The following ERCC6L2 variants were observed in gnomAD, a reference collection of about 807,000 sequenced individuals.
ERCC6L2 encodes the protein DNA excision repair protein ERCC-6-like 2.
Under a neutral mutation model 132.0 loss-of-function variants are expected in ERCC6L2, and 77 were observed. The observed-to-expected ratio is 0.58, with a 90% CI of 0.49 to 0.71. ERCC6L2 has a LOEUF of 0.71. ERCC6L2 is among the 30% of genes least tolerant of loss of function. ERCC6L2 has a pLI of 0.00. For missense variants in ERCC6L2, 1,542 were observed against 1,837.6 expected, an observed-to-expected ratio of 0.84 and a Z score of 2.94; for synonymous variants, 583 against 632.4, an observed-to-expected ratio of 0.92 and a Z score of 1.17.
chr9:95,929,053 A>G (rs1830223735), intron 11 of ERCC6L2, 189 bp downstream of exon 11: 1 of 434,168 alleles, frequency 2.3e-6, no homozygotes, highest in South Asian at 3.8e-5. Flanking sequence ...CTTTATCAAC[A>G]TTGAATTCCT....
chr9:96,018,969 C>A (rs1834239271), downstream of ERCC6L2, among the ~76,000 whole-genome samples: 1 of 152,118 alleles, frequency 6.6e-6, no homozygotes, highest in African/African-American at 2.4e-5. Context: ...CTAAATAGGC[C>A]TCGCAGTCTC....
intron 7 of ERCC6L2, among the ~76,000 whole-genome samples, chr9:95,921,635 A>G (rs923843883): frequency 2.6e-5 from 4 of 152,230 alleles, no homozygotes; most frequent in Admixed American, 2.6e-4. Flanking sequence ...TTATCCACTA[A>G]TAGTAAACGA....
intron 1 of ERCC6L2, among the ~76,000 whole-genome samples, chr9:95,879,094 T>A (rs1229021220): frequency 6.6e-6 from 1 of 151,844 alleles, no homozygotes; most frequent in East Asian, 1.9e-4. Context: ...ACTTCCACAA[T>A]GGTTGAACTA....
At chr9:95,999,991 T>A (rs752284679) in intron 17 of ERCC6L2, among the ~76,000 whole-genome samples, 9 of 151,622 alleles carry the variant, frequency 5.9e-5, no homozygotes, top group Non-Finnish European at 1.0e-4. Context: ...CTGGTTCAAG[T>A]GATTCTCTTG....
intron 11 of ERCC6L2, among the ~76,000 whole-genome samples, chr9:95,939,665 T>C (rs1830710202): frequency 6.6e-6 from 1 of 152,198 alleles, no homozygotes; most frequent in South Asian, 2.1e-4. Context: ...TATCCATTTT[T>C]GTTTTGTTTG....
At chr9:96,034,830 G>A (rs994623565) in intron 19 of ERCC6L2, among the ~76,000 whole-genome samples, 6 of 152,226 alleles carry the variant, frequency 3.9e-5, no homozygotes, top group Non-Finnish European at 8.8e-5. Context: ...GCTCTTGGAG[G>A]GAGCCAGGAG....
chr9:96,004,103 T>C (rs1833782031), intron 17 of ERCC6L2, among the ~76,000 whole-genome samples: 1 of 152,236 alleles, frequency 6.6e-6, no homozygotes, highest in Non-Finnish European at 1.5e-5. Flanking sequence ...ATTGGTATTT[T>C]TTACATGTCT....
intron 4 of ERCC6L2, among the ~76,000 whole-genome samples, chr9:95,909,421 C>T (rs1458093323): frequency 1.3e-5 from 2 of 152,154 alleles, no homozygotes; most frequent in Non-Finnish European, 2.9e-5. Flanking sequence ...CTATTTTTAT[C>T]ATCCCAGGAC....
At chr9:96,026,562 C>T (rs952650426) in intron 19 of ERCC6L2, among the ~76,000 whole-genome samples, 2 of 151,608 alleles carry the variant, frequency 1.3e-5, no homozygotes, top group African/African-American at 2.4e-5. Flanking sequence ...CTTGTTGTTT[C>T]TGCACACGCC....
intron 17 of ERCC6L2, among the ~76,000 whole-genome samples, chr9:95,990,654 G>T (rs985435435): frequency 2.6e-5 from 4 of 152,188 alleles, no homozygotes; most frequent in Non-Finnish European, 5.9e-5. Context: ...ATAGGAACAG[G>T]AGCGAACAAA....
chr9:95,997,103 G>A (rs1361945836), intron 17 of ERCC6L2, among the ~76,000 whole-genome samples: 1 of 152,202 alleles, frequency 6.6e-6, no homozygotes, highest in African/African-American at 2.4e-5. Flanking sequence ...AGTTTCATAA[G>A]ACTGTAACTG....
At chr9:96,039,170 G>C (rs754955568) in intron 20 of ERCC6L2, among the ~76,000 whole-genome samples, 2 of 152,218 alleles carry the variant, frequency 1.3e-5, no homozygotes, top group Non-Finnish European at 1.5e-5. Flanking sequence ...TTATGGCTTT[G>C]GGGTGATTCG....
chr9:95,988,224 A>G (rs12004765), intron 17 of ERCC6L2, among the ~76,000 whole-genome samples: 3,446 of 152,354 alleles, frequency 0.023, 111 homozygotes, highest in African/African-American at 0.069. Context: ...TGGTATGAGC[A>G]TAACTCTTTT....
intron 18 of ERCC6L2, among the ~76,000 whole-genome samples, 185 bp from the exon 19 acceptor site, chr9:96,012,037 CAGT>C (rs957982338): frequency 4.6e-5 from 7 of 152,162 alleles, no homozygotes; most frequent in Non-Finnish European, 1.5e-5. Context: ...ATACTTTTCT[CAGT>C]AGCATAAGGG....
At position 95,972,707 on chromosome 9, in the gene ERCC6L2, A is replaced by G. The variant is rs943724664; in HGVS notation, c.2956A>G (p.Ile986Val). 8 of 1,301,956 alleles carry G rather than the reference A, an allele frequency of 6.1e-6. No individual in the cohort carries two copies. Among genetic ancestry groups the G allele is most frequent in the Non-Finnish European group, 8.1e-6 (8 of 988,878 alleles). 80.7% of individuals were successfully genotyped at this position (1,301,956 alleles called of 1,614,324 possible). A position where few individuals can be genotyped will look rare whatever the true frequency, so the allele number is the denominator to read the frequency against. The change falls in exon 16 of 19, where the codon ATT (isoleucine) becomes GTT (valine). Residue 986 changes from isoleucine (I) to valine (V), a missense_variant. Transcript: ENST00000653738. ...TSDISDESDD[I>V]EISSKSRVRK... is the part of the protein sequence containing the mutation. ...TGATATCAGTGATGAATCTGATGAC[A>G]TTGAAATTTCTTCCAAGTCAAGAGT...
At chr9:95,957,931 G>A (rs530401973) in intron 13 of ERCC6L2, among the ~76,000 whole-genome samples, 38 of 151,542 alleles carry the variant, frequency 2.5e-4, no homozygotes, top group South Asian at 1.0e-3. Context: ...CAATGTGCAG[G>A]TTAGTTACAT....
intron 17 of ERCC6L2, among the ~76,000 whole-genome samples, chr9:95,997,748 C>T (rs149542953): frequency 7.9e-4 from 120 of 152,296 alleles, no homozygotes; most frequent in Middle Eastern, 6.8e-3. Context: ...ATTACTATTG[C>T]TGTTTCATCG....
intron 1 of ERCC6L2, among the ~76,000 whole-genome samples, chr9:95,879,783 A>G (rs1587832104): frequency 6.6e-6 from 1 of 152,338 alleles, no homozygotes; most frequent in East Asian, 1.9e-4. Context: ...GTCATGTTGT[A>G]GTTATAAATA....
chr9:96,019,542 T>C (rs1320094905), downstream of ERCC6L2, among the ~76,000 whole-genome samples: 1 of 152,058 alleles, frequency 6.6e-6, no homozygotes, highest in African/African-American at 2.4e-5. Flanking sequence ...AGCTTCCTGC[T>C]CACCAAGCTC....
Sources: allele counts gnomAD v4.1 joint callset (sites outside exome capture counted in the v4.1 genomes callset), GRCh38; gene constraint gnomAD v4.1.1; transcripts MANE v1.5; gene names NCBI Gene and HGNC (gene_info 2026-07-23, HGNC 2026-07-21).